Variants in CNTN4 observed in about 807,000 individuals in gnomAD.
CNTN4 encodes the protein contactin-4.
CNTN4 carries 77 observed loss-of-function variants against 122.5 expected under a neutral mutation model. The observed-to-expected ratio is 0.63, with a 90% CI of 0.52 to 0.76. CNTN4 has a LOEUF of 0.76. Among genes scored for constraint, CNTN4 ranks in the 30% least tolerant of loss-of-function variants. The pLI, the probability that CNTN4 is intolerant of heterozygous loss-of-function variation, is 0.00. For missense variants in CNTN4, 1,256 were observed against 1,259.1 expected (o/e 1.00, Z 0.04); for synonymous variants, 512 against 447.0 (o/e 1.15, Z -1.83).
At chr3:2,177,644 TTGTGTGTGTGTTTGTG>T (rs1178205123) in intron 2 of CNTN4, among the ~76,000 whole-genome samples, 2 of 123,580 alleles carry the variant, frequency 1.6e-5, no homozygotes, top group African/African-American at 6.1e-5. Context: ...ACCAATGGGA[TTGTGTGTGTGTTTGTG>T]TGTGTGTGTG....
At chr3:2,337,250 C>T (rs572197368) in intron 2 of CNTN4, among the ~76,000 whole-genome samples, 1 of 152,120 alleles carries the variant, frequency 6.6e-6, no homozygotes, top group Admixed American at 6.6e-5. Flanking sequence ...GCCAGGATTC[C>T]CTCTGGATGC....
At chr3:2,418,367 A>G (rs2047494085) in intron 3 of CNTN4, among the ~76,000 whole-genome samples, 1 of 152,320 alleles carries the variant, frequency 6.6e-6, no homozygotes, top group Non-Finnish European at 1.5e-5. Flanking sequence ...CAACCTCTTC[A>G]AAATAATACA....
rs976851746 is a variant in CNTN4 at position 2,353,615 on chromosome 3, A to G, written c.-89+14382A>G. Among the ~76,000 whole-genome samples the G allele has an allele frequency of 1.7e-4, 26 of 152,056 alleles. 3 individuals carry two copies. Among genetic ancestry groups the G allele is most frequent in the Admixed American group, 1.4e-3 (22 of 15,238 alleles). On this transcript the variant is annotated intron_variant, in intron 3 of 24. Coordinates refer to ENST00000418658, the MANE Select transcript of CNTN4 (RefSeq NM_175607.3). The stretch of plus-strand genomic sequence containing the variant: ...GAGCAACTCTGGACGGGAGGAATGA[A>G]CAACTCCGGACACACCATCTTTTAA...
At chr3:2,120,405 ATTTTTTTTTT>A (rs57112843) in intron 2 of CNTN4, among the ~76,000 whole-genome samples, 5 of 40,874 alleles carry the variant, frequency 1.2e-4, no homozygotes, top group South Asian at 9.4e-4. Flanking sequence ...ATATATATAT[ATTTTTTTTTT>A]TTTTTTTATG....
At chr3:2,750,612 A>T (rs1016663045) in intron 6 of CNTN4, among the ~76,000 whole-genome samples, 1 of 152,134 alleles carries the variant, frequency 6.6e-6, no homozygotes, top group African/African-American at 2.4e-5. Context: ...TGTAATTGGG[A>T]GCACATTTTG....
intron 6 of CNTN4, among the ~76,000 whole-genome samples, chr3:2,806,033 C>A (rs1028346536): frequency 3.9e-5 from 6 of 152,140 alleles, no homozygotes; most frequent in African/African-American, 1.4e-4. Context: ...TCCCGAGTAG[C>A]TGGGACTACA....
At chr3:2,259,355 TTTAG>T (rs749302255) in intron 2 of CNTN4, among the ~76,000 whole-genome samples, 15 of 152,356 alleles carry the variant, frequency 9.8e-5, no homozygotes, top group East Asian at 5.8e-4. Flanking sequence ...GGAATTCTTA[TTTAG>T]TTATTCTCAT....
At chr3:2,627,971 G>A (rs891911539) in intron 4 of CNTN4, among the ~76,000 whole-genome samples, 1 of 152,174 alleles carries the variant, frequency 6.6e-6, no homozygotes, top group Non-Finnish European at 1.5e-5. Context: ...TGCCATTGTT[G>A]AATTATCCTG....
At chr3:3,044,597 C>T (rs1700454201) in intron 23 of CNTN4, among the ~76,000 whole-genome samples, 2 of 152,158 alleles carry the variant, frequency 1.3e-5, no homozygotes, top group South Asian at 2.1e-4. Flanking sequence ...CAGAAGCTGC[C>T]AGCCCTTTTA....
At chr3:2,621,160 A>AG (rs139792809) in intron 4 of CNTN4, among the ~76,000 whole-genome samples, 92,955 of 151,888 alleles carry the variant, frequency 0.61, 28,973 homozygotes, top group Middle Eastern at 0.72. Context: ...AACGTTAAGC[A>AG]CCCCCTGTTC....
chr3:2,462,996 TA>T (rs1012111994), intron 3 of CNTN4, among the ~76,000 whole-genome samples: 1 of 152,210 alleles, frequency 6.6e-6, no homozygotes, highest in African/African-American at 2.4e-5. Context: ...GGAAAAGCTA[TA>T]ACAATGTTTC....
intron 3 of CNTN4, among the ~76,000 whole-genome samples, chr3:2,550,379 GCAAATCAAAACCACAGTGAGAT>G (rs2078444665): frequency 6.6e-6 from 1 of 152,122 alleles, no homozygotes; most frequent in African/African-American, 2.4e-5. Flanking sequence ...TTAGAGAAAT[GCAAATCAAAACCACAGTGAGAT>G]ACCATCTCAC....
At chr3:2,254,661 T>C (rs1193625789) in intron 2 of CNTN4, among the ~76,000 whole-genome samples, 1 of 152,212 alleles carries the variant, frequency 6.6e-6, no homozygotes, top group Non-Finnish European at 1.5e-5. Context: ...CGTTTTTTCA[T>C]ATGTTTCTTG....
intron 2 of CNTN4, among the ~76,000 whole-genome samples, chr3:2,307,981 GA>G (rs2042780728): frequency 6.6e-6 from 1 of 152,110 alleles, no homozygotes; most frequent in African/African-American, 2.4e-5. Context: ...AGTTTTTGAA[GA>G]ATTTCAATAA....
At chr3:2,211,599 G>T (rs1044534522) in intron 2 of CNTN4, among the ~76,000 whole-genome samples, 1 of 152,080 alleles carries the variant, frequency 6.6e-6, no homozygotes, top group Non-Finnish European at 1.5e-5. Flanking sequence ...TGATAACACA[G>T]ATTTGTCTGT....
At chr3:2,256,418 G>A (rs773445472) in intron 2 of CNTN4, among the ~76,000 whole-genome samples, 1 of 152,098 alleles carries the variant, frequency 6.6e-6, no homozygotes, top group Admixed American at 6.5e-5. Flanking sequence ...AGAAAAAGAG[G>A]GAATCCTCCC....
At chr3:2,814,358 G>A (rs1004374783) in intron 6 of CNTN4, among the ~76,000 whole-genome samples, 23 of 152,118 alleles carry the variant, frequency 1.5e-4, no homozygotes, top group African/African-American at 5.1e-4. Context: ...ATTGCTAAAC[G>A]GAATACAAGC....
rs1041955807 is a variant in CNTN4, at chr3:2,142,675, C to G, written c.-145+42036C>G. Among the ~76,000 whole-genome samples the G allele has an allele frequency of 3.3e-5, 5 of 152,174 alleles. No individual in the cohort carries two copies. The East Asian group carries it at 9.6e-4, about 29-fold the overall frequency. ...TTTCATTTTTCACTCCCTTTTTAAT[C>G]TTCCCCTCCATTACCAGTTAACAAA... On this transcript the variant is annotated intron_variant, in intron 2 of 24. Coordinates refer to ENST00000418658, the MANE Select transcript of CNTN4 (RefSeq NM_175607.3).
chr3:2,182,642 A>G (rs903758852), intron 2 of CNTN4, among the ~76,000 whole-genome samples: 2 of 152,164 alleles, frequency 1.3e-5, no homozygotes, highest in African/African-American at 4.8e-5. Context: ...TTAGGAGTCA[A>G]TTAGTCAAAA....
Sources: allele counts gnomAD v4.1 joint callset (sites outside exome capture counted in the v4.1 genomes callset), GRCh38; gene constraint gnomAD v4.1.1; transcripts MANE v1.5; gene names NCBI Gene and HGNC (gene_info 2026-07-23, HGNC 2026-07-21).